TBC1D22A: variants seen among roughly 807,000 people sequenced by gnomAD.
TBC1D22A encodes TBC1 domain family member 22A, also known as putative GTPase activator.
In TBC1D22A, 38 loss-of-function variants were observed where a neutral mutation model predicts 60.2. The ratio of observed to expected loss-of-function variants is 0.63; its 90% CI spans 0.49 to 0.83. The LOEUF is 0.83. Among genes scored for constraint, TBC1D22A ranks in the 40% least tolerant of loss-of-function variants. TBC1D22A has a pLI of 0.00. For missense variants in TBC1D22A, 628 were observed against 701.0 expected (o/e 0.90, Z 1.18); for synonymous variants, 302 against 281.7 (o/e 1.07, Z -0.72).
At chr22:46,985,249 G>A (rs560658908) in intron 9 of TBC1D22A, among the ~76,000 whole-genome samples, 6 of 152,246 alleles carry the variant, frequency 3.9e-5, no homozygotes, top group Admixed American at 2.0e-4. Context: ...GCAGTGGAGC[G>A]CTTGGTGGAG....
intron 1 of TBC1D22A, among the ~76,000 whole-genome samples, chr22:46,790,910 T>A (rs530814014): frequency 1.3e-5 from 2 of 152,362 alleles, no homozygotes; most frequent in Non-Finnish European, 2.9e-5. Context: ...TTATTACTTT[T>A]TTTGTAATCA....
chr22:46,914,865 A>G (rs919983371), intron 8 of TBC1D22A: 1 of 157,188 alleles, frequency 6.4e-6, no homozygotes, highest in Admixed American at 6.0e-5. Flanking sequence ...TAATTAAAGT[A>G]ATTAACATTC....
intron 4 of TBC1D22A, among the ~76,000 whole-genome samples, chr22:46,811,444 G>A (rs1432604789): frequency 6.6e-6 from 1 of 152,328 alleles, no homozygotes; most frequent in East Asian, 1.9e-4. Context: ...CTTGTCTCAT[G>A]GGTGTGATTT....
Position 47,173,378 on chromosome 22 carries a change from C to G in TBC1D22A, c.1426-120C>G, listed in dbSNP as rs570115214. 7.3e-6 allele frequency: 10 copies of G among 1,374,424 alleles called. No individual in the cohort carries two copies. In the African/African-American group the frequency reaches 1.0e-4, roughly 14 times the overall value. 85.1% of individuals were successfully genotyped at this position (1,374,424 alleles called of 1,614,324 possible). ...TCTCCAGTTTTCCTGGATCACCCGC[C>G]CTGCACCGTGGGTCACCTCCTCTGA... On this transcript the variant is annotated intron_variant, in intron 12 of 12. Coordinates refer to ENST00000337137, the MANE Select transcript of TBC1D22A (RefSeq NM_014346.5).
At chr22:47,011,763 T>C (rs11703540) in intron 10 of TBC1D22A, among the ~76,000 whole-genome samples, 38,589 of 152,130 alleles carry the variant, frequency 0.25, 5,105 homozygotes, top group East Asian at 0.3. Context: ...TTGTTTTCCC[T>C]GAGGATCTCA....
chr22:47,024,001 A>G (rs2062171662), intron 10 of TBC1D22A, among the ~76,000 whole-genome samples: 1 of 152,260 alleles, frequency 6.6e-6, no homozygotes, highest in African/African-American at 2.4e-5. Flanking sequence ...AGCAGAAACA[A>G]TAACAGTGTA....
chr22:47,164,689 C>T (rs111676883), intron 12 of TBC1D22A, among the ~76,000 whole-genome samples: 206 of 152,320 alleles, frequency 1.4e-3, no homozygotes, highest in Admixed American at 2.8e-3. Flanking sequence ...TGAAGTGGGC[C>T]AAGCACAATC....
chr22:46,896,142 C>T (rs1009756265), intron 7 of TBC1D22A, among the ~76,000 whole-genome samples: 4 of 152,146 alleles, frequency 2.6e-5, no homozygotes, highest in South Asian at 2.1e-4. Flanking sequence ...TGTATATTTA[C>T]GGATGTCTTC....
At chr22:46,952,122 A>C (rs2072941151) in intron 8 of TBC1D22A, among the ~76,000 whole-genome samples, 1 of 150,374 alleles carries the variant, frequency 6.7e-6, no homozygotes, top group Admixed American at 6.6e-5. Flanking sequence ...CTGAGGTCAG[A>C]AGTGACTGGC....
chr22:46,773,122 T>C (rs75759537), intron 1 of TBC1D22A, among the ~76,000 whole-genome samples: 11,210 of 152,300 alleles, frequency 0.074, 586 homozygotes, highest in Middle Eastern at 0.12. Context: ...TTTCCTTCTC[T>C]GGCAGGCTCA....
intron 10 of TBC1D22A, among the ~76,000 whole-genome samples, chr22:47,019,512 G>A (rs998442929): frequency 8.5e-5 from 13 of 152,150 alleles, no homozygotes; most frequent in African/African-American, 2.9e-4. Flanking sequence ...TTGGGACATC[G>A]GTGCTGAGTC....
intron 11 of TBC1D22A, among the ~76,000 whole-genome samples, chr22:47,053,997 A>G (rs2063310108): frequency 1.3e-5 from 2 of 152,138 alleles, no homozygotes; most frequent in African/African-American, 2.4e-5. Flanking sequence ...AGAGGCCCTG[A>G]CTCATCAGTC....
intron 11 of TBC1D22A, among the ~76,000 whole-genome samples, chr22:47,083,718 A>C (rs1169143788): frequency 6.6e-6 from 1 of 152,172 alleles, no homozygotes; most frequent in Non-Finnish European, 1.5e-5. Context: ...TTAGGGAGGT[A>C]GGGTAGTAAG....
Position 46,762,763 on chromosome 22 carries a change from G to A in TBC1D22A, c.-24G>A, listed in dbSNP as rs970793942. 8.4e-6 allele frequency: 12 copies of A among 1,421,650 alleles called. No homozygotes were observed. Among genetic ancestry groups the A allele is most frequent in the South Asian group, 3.1e-5 (2 of 63,948 alleles). 88.1% of individuals were successfully genotyped at this position (1,421,650 alleles called of 1,614,324 possible). Reference sequence around the variant, plus strand: ...GGTGCACTCGGGGTGTCTGGGCCGCGGGTCTGAGGGATGAGGAGGGGCCAT... The same window carrying A: ...GGTGCACTCGGGGTGTCTGGGCCGCAGGTCTGAGGGATGAGGAGGGGCCAT... On this transcript the variant is annotated 5_prime_UTR_variant, in exon 1 of 13. Coordinates refer to ENST00000337137, the MANE Select transcript of TBC1D22A (RefSeq NM_014346.5).
chr22:46,823,865 G>A (rs984485804), intron 4 of TBC1D22A, among the ~76,000 whole-genome samples: 1 of 152,106 alleles, frequency 6.6e-6, no homozygotes, highest in Non-Finnish European at 1.5e-5. Context: ...TGCTGCACAC[G>A]CACACCTGAC....
intron 4 of TBC1D22A, among the ~76,000 whole-genome samples, chr22:46,802,829 T>C (rs1037859730): frequency 3.4e-5 from 3 of 89,086 alleles, no homozygotes; most frequent in African/African-American, 1.3e-4. Context: ...GGGGCAAGAG[T>C]GGAGGCCGTG....
At chr22:46,827,299 G>A (rs752585549) in intron 4 of TBC1D22A, among the ~76,000 whole-genome samples, 5 of 152,200 alleles carry the variant, frequency 3.3e-5, no homozygotes, top group Non-Finnish European at 7.3e-5. Flanking sequence ...CATGCAGGCC[G>A]AGTCGGCGTT....
At chr22:47,057,098 CA>C (rs767492848) in intron 11 of TBC1D22A, among the ~76,000 whole-genome samples, 7 of 152,244 alleles carry the variant, frequency 4.6e-5, no homozygotes, top group Non-Finnish European at 8.8e-5. Flanking sequence ...GCCTGGGAGT[CA>C]GGCTGAATGC....
In TBC1D22A at chr22:46,955,838, A is replaced by C. The variant is rs115715507; in HGVS notation, c.1016-18452A>C. 4.0e-3 allele frequency among the ~76,000 whole-genome samples: 612 copies of C among 152,358 alleles called. 4 individuals are homozygous for C. The highest frequency in any genetic ancestry group is 0.014 in the African/African-American group (592 of 41,586). On this transcript the variant is annotated intron_variant, in intron 8 of 12. Coordinates refer to ENST00000337137, the MANE Select transcript of TBC1D22A (RefSeq NM_014346.5). ...CAGTTTGCTGGCCACTGAACAGCCC[A>C]GTGCCTCCCTGTCCCGAGGACATAG... is the stretch of plus-strand genomic sequence containing the variant.
Sources: allele counts gnomAD v4.1 joint callset (sites outside exome capture counted in the v4.1 genomes callset), GRCh38; gene constraint gnomAD v4.1.1; transcripts MANE v1.5; gene names NCBI Gene and HGNC (gene_info 2026-07-23, HGNC 2026-07-21).